Variants in RAI14 observed in about 807,000 individuals in gnomAD.
The protein encoded by RAI14 is retinoic acid induced 14.
In RAI14, 45 loss-of-function variants were observed where a neutral mutation model predicts 115.4. The observed-to-expected ratio is 0.39, with a 90% CI of 0.31 to 0.50. RAI14 has a LOEUF of 0.50. Ranked by LOEUF, RAI14 falls within the 20% of genes least tolerant of loss-of-function variation. RAI14 has a pLI of 0.85. For missense variants in RAI14, 939 were observed against 1,131.2 expected, an observed-to-expected ratio of 0.83 and a Z score of 2.44; for synonymous variants, 371 against 415.4, an observed-to-expected ratio of 0.89 and a Z score of 1.30.
intron 2 of RAI14, among the ~76,000 whole-genome samples, chr5:34,700,595 G>T (rs1322476874): frequency 1.3e-5 from 2 of 152,182 alleles, no homozygotes; most frequent in East Asian, 3.8e-4. Context: ...GCCCCTCTCT[G>T]TTCAGCATTT....
At chr5:34,682,273 G>T (rs1744445447) in intron 1 of RAI14, among the ~76,000 whole-genome samples, 1 of 151,986 alleles carries the variant, frequency 6.6e-6, no homozygotes, top group South Asian at 2.1e-4. Context: ...CCTCCTGAAA[G>T]TGTACAAATG....
rs549956357 is a variant in RAI14 at position 34,826,560 on chromosome 5, G to A, written c.2799+81G>A. 445 of 1,498,902 alleles carry A rather than the reference G, an allele frequency of 3.0e-4. 6 individuals are homozygous for A. The South Asian group carries it at 5.6e-3, about 19-fold the overall frequency. The allele number at this position is 1,498,902 out of a possible 1,614,324, so 92.9% of individuals were successfully genotyped here. ...TACCATCTCAGCTGCTAGGGCAAGTGGGCGTGAACAAAAAGATTCCCAGCC... is the reference window on the plus strand; with the variant it reads ...TACCATCTCAGCTGCTAGGGCAAGTAGGCGTGAACAAAAAGATTCCCAGCC... On this transcript the variant is annotated intron_variant, in intron 16 of 17. Coordinates refer to ENST00000265109, the MANE Select transcript of RAI14 (RefSeq NM_015577.3).
In RAI14 at chr5:34,823,686, T is replaced by C; in HGVS notation, c.1844T>C (p.Leu615Pro). 6.2e-7 allele frequency: 1 copy of C among 1,613,790 alleles called. No homozygotes were observed. The highest frequency in any genetic ancestry group is 8.5e-7 in the Non-Finnish European group (1 of 1,179,998). Reference protein sequence around the residue: ...QEEIMKLKDTLKSQMTQEASD... With the variant: ...QEEIMKLKDTPKSQMTQEASD... ...GAAATCATGAAATTAAAAGACACAC[T>C]AAAAAGTCAGATGACACAGGAAGCC... is the stretch of plus-strand genomic sequence containing the variant. Residue 615 changes from leucine (L) to proline (P), a missense_variant, in exon 15 of 18, where the codon CTA (leucine) becomes CCA (proline). By Grantham distance (98) the Leu-to-Pro change is moderately conservative. Transcript: ENST00000265109. The surrounding 1 kb of genome is among the most constrained non-coding windows in gnomAD (Gnocchi z 4.5).
At chr5:34,691,257 T>A (rs1738563775) in intron 2 of RAI14, among the ~76,000 whole-genome samples, 1 of 152,206 alleles carries the variant, frequency 6.6e-6, no homozygotes, top group African/African-American at 2.4e-5. Context: ...ATATTAATAG[T>A]TCAGGAGCCC....
At chr5:34,812,124 G>A (rs894349798) in intron 9 of RAI14, 56 bp from the exon 10 acceptor site, 34 of 1,480,454 alleles carry the variant, frequency 2.3e-5, no homozygotes, top group Middle Eastern at 2.0e-4. Flanking sequence ...CCCACCCAAA[G>A]TGAATATGAA....
rs558367052 is a variant in RAI14 at position 34,832,311 on chromosome 5, T to C, written c.*1546T>C. 10 of 152,758 alleles carry C rather than the reference T, an allele frequency of 6.5e-5. No individual in the cohort carries two copies. In the East Asian group the frequency reaches 1.9e-3, roughly 30 times the overall value. The allele number at this position is 152,758 out of a possible 1,614,324, so 9.5% of individuals were successfully genotyped here. A position where few individuals can be genotyped will look rare whatever the true frequency, so the allele number is the denominator to read the frequency against. ...TTGGTGTTACTTTTCTTAAGTTGTT[T>C]AATTATAGTTAAGCAATTTCAAAAA... On this transcript the variant is annotated 3_prime_UTR_variant, in exon 18 of 18. Coordinates refer to ENST00000265109, the MANE Select transcript of RAI14 (RefSeq NM_015577.3).
intron 2 of RAI14, among the ~76,000 whole-genome samples, chr5:34,747,321 A>C (rs1374215567): frequency 6.6e-6 from 1 of 152,232 alleles, no homozygotes; most frequent in African/African-American, 2.4e-5. Context: ...AGCTCCTCGC[A>C]CTGTACATTT....
intron 2 of RAI14, among the ~76,000 whole-genome samples, chr5:34,689,861 G>A (rs956182341): frequency 2.6e-5 from 4 of 152,082 alleles, no homozygotes; most frequent in African/African-American, 4.8e-5. Context: ...CAACAAGAGT[G>A]AAACTCCATC....
chr5:34,789,902 A>G (rs1158442058), intron 3 of RAI14, among the ~76,000 whole-genome samples: 1 of 152,200 alleles, frequency 6.6e-6, no homozygotes, highest in Middle Eastern at 3.2e-3. Context: ...TGAGCCCTTA[A>G]GGTTACCAGC....
intron 3 of RAI14, among the ~76,000 whole-genome samples, chr5:34,771,454 G>C (rs1750148040): frequency 6.6e-6 from 1 of 152,212 alleles, no homozygotes; most frequent in African/African-American, 2.4e-5. Flanking sequence ...TTGAAGTCTT[G>C]TAAAAGTAGC....
intron 1 of RAI14, chr5:34,686,427 T>C (rs1744883876): frequency 6.6e-6 from 1 of 152,152 alleles, no homozygotes; most frequent in Non-Finnish European, 1.5e-5. Flanking sequence ...TGAAGAGATC[T>C]ATTGTACAAC....
At chr5:34,784,800 A>C (rs1752096256) in intron 3 of RAI14, among the ~76,000 whole-genome samples, 1 of 152,186 alleles carries the variant, frequency 6.6e-6, no homozygotes, top group African/African-American at 2.4e-5. Context: ...ATTAATTGCC[A>C]AGGGCTAGTG....
intron 1 of RAI14, among the ~76,000 whole-genome samples, chr5:34,665,483 AT>A (rs906701187): frequency 8.0e-5 from 11 of 137,414 alleles, no homozygotes; most frequent in South Asian, 6.8e-4. Flanking sequence ...AGTGTTTTCC[AT>A]TTTTTTTTCT....
chr5:34,792,242 T>TTC (rs1367016931), intron 3 of RAI14, among the ~76,000 whole-genome samples: 1 of 147,382 alleles, frequency 6.8e-6, no homozygotes, highest in African/African-American at 2.5e-5. Context: ...TTTCTTTTTT[T>TTC]TTTTTTTTTG....
chr5:34,689,062 C>G (rs1210834271), intron 2 of RAI14, among the ~76,000 whole-genome samples: 1 of 152,132 alleles, frequency 6.6e-6, no homozygotes, highest in Non-Finnish European at 1.5e-5. Flanking sequence ...GATTCAAGAG[C>G]CCATGTTTCC....
At chr5:34,784,710 C>G (rs1037182057) in intron 3 of RAI14, among the ~76,000 whole-genome samples, 25 of 152,280 alleles carry the variant, frequency 1.6e-4, no homozygotes, top group African/African-American at 5.8e-4. Context: ...AAATCTAGAG[C>G]CTTCTCTGGA....
intron 1 of RAI14, among the ~76,000 whole-genome samples, chr5:34,683,463 T>A (rs1744538096): frequency 6.6e-6 from 1 of 151,222 alleles, no homozygotes; most frequent in East Asian, 1.9e-4. Context: ...CAAAGACAAA[T>A]ACACAGAAAA....
chr5:34,773,380 C>T lies in RAI14; in HGVS notation c.167+15782C>T, dbSNP rs575519389. Among the ~76,000 whole-genome samples the T allele has an allele frequency of 5.3e-5, 8 of 152,160 alleles. 1 individual carries two copies. The highest frequency in any genetic ancestry group is 3.3e-4 in the Admixed American group (5 of 15,282). ...GATTTCATTGCTAAGACCTCAAAAG[C>T]GTAGACAGCTATAACAAAAATAGAC... On this transcript the variant is annotated intron_variant, in intron 3 of 17. Transcript: ENST00000265109.
At chr5:34,820,406 C>T (rs1756700626) in intron 13 of RAI14, among the ~76,000 whole-genome samples, 1 of 152,096 alleles carries the variant, frequency 6.6e-6, no homozygotes, top group South Asian at 2.1e-4. Flanking sequence ...GTGGCAAAAC[C>T]CCGTCTCTAC....
Sources: allele counts gnomAD v4.1 joint callset (sites outside exome capture counted in the v4.1 genomes callset), GRCh38; gene constraint gnomAD v4.1.1; non-coding constraint Gnocchi (gnomAD v3.1); transcripts MANE v1.5; gene names NCBI Gene and HGNC (gene_info 2026-07-23, HGNC 2026-07-21).